FBXO28: variants seen among roughly 807,000 people sequenced by gnomAD.
FBXO28 encodes F-box protein 28, also known as F-box only protein 28.
Under a neutral mutation model 38.1 loss-of-function variants are expected in FBXO28, and 8 were observed. The ratio of observed to expected loss-of-function variants is 0.21; its 90% CI spans 0.12 to 0.38. FBXO28 has a LOEUF of 0.38. Among genes scored for constraint, FBXO28 ranks in the 10% least tolerant of loss-of-function variants. FBXO28 has a pLI of 1.00. For synonymous variants in FBXO28, 168 were observed against 173.8 expected (o/e 0.97, Z 0.26); for missense variants, 345 against 460.6 (o/e 0.75, Z 2.30).
rs1657894895 is a variant in FBXO28 at position 224,161,021 on chromosome 1, A to G, written c.*3275A>G. 6.6e-6 allele frequency: 1 copy of G among 152,200 alleles called. No individual in the cohort carries two copies. The highest frequency in any genetic ancestry group is 1.5e-5 in the Non-Finnish European group (1 of 68,034). The allele number at this position is 152,200 out of a possible 1,614,324, so 9.4% of individuals were successfully genotyped here. ...TATGCATTATTTTATATGCCATTTC[A>G]TAGCCTGCACTTTAATCTCCAAAGA... On this transcript the variant is annotated 3_prime_UTR_variant, in exon 5 of 5. Coordinates refer to ENST00000366862, the MANE Select transcript of FBXO28 (RefSeq NM_015176.4).
intron 3 of FBXO28, among the ~76,000 whole-genome samples, chr1:224,138,864 C>A (rs887568175): frequency 5.9e-5 from 9 of 151,764 alleles, no homozygotes; most frequent in African/African-American, 2.2e-4. Context: ...TTACTGCAAC[C>A]TCCGCCTCCT....
chr1:224,148,526 G>A (rs1383279668), intron 3 of FBXO28, among the ~76,000 whole-genome samples: 2 of 152,044 alleles, frequency 1.3e-5, no homozygotes, highest in Non-Finnish European at 2.9e-5. Context: ...GCCAGGTGTG[G>A]TGGCGGGTGC....
chr1:224,140,404 T>C (rs1200850155), intron 3 of FBXO28, among the ~76,000 whole-genome samples: 3 of 152,210 alleles, frequency 2.0e-5, no homozygotes, highest in African/African-American at 7.2e-5. Flanking sequence ...CCCTAGGCTC[T>C]CTTTGTGTCA....
intron 1 of FBXO28, among the ~76,000 whole-genome samples, chr1:224,115,537 T>TA (rs1296264873): frequency 6.6e-6 from 1 of 152,240 alleles, no homozygotes; most frequent in East Asian, 1.9e-4. Context: ...AACTTATAAA[T>TA]ATTAATTCAA....
At chr1:224,144,167 A>AG (rs1180604114) in intron 3 of FBXO28, among the ~76,000 whole-genome samples, 1 of 150,530 alleles carries the variant, frequency 6.6e-6, no homozygotes, top group East Asian at 1.9e-4. Flanking sequence ...AAAAAAAAAA[A>AG]GGAATGAATG....
At chr1:224,126,976 C>T (rs2102614254) in intron 1 of FBXO28, among the ~76,000 whole-genome samples, 1 of 152,034 alleles carries the variant, frequency 6.6e-6, no homozygotes, top group Admixed American at 6.6e-5. Context: ...AGAAGTTAGC[C>T]CTGTTGCCCT....
intron 3 of FBXO28, among the ~76,000 whole-genome samples, chr1:224,152,470 G>A (rs1420755538): frequency 6.6e-6 from 1 of 152,114 alleles, no homozygotes; most frequent in Non-Finnish European, 1.5e-5. Flanking sequence ...TAGTCCTCTA[G>A]TGTCTATAGC....
At chr1:224,117,445 A>ATT (rs1438315082) in intron 1 of FBXO28, among the ~76,000 whole-genome samples, 4 of 151,684 alleles carry the variant, frequency 2.6e-5, no homozygotes, top group African/African-American at 9.7e-5. Context: ...ATTTTATTTT[A>ATT]TTTTATTTTA....
intron 3 of FBXO28, among the ~76,000 whole-genome samples, chr1:224,138,840 G>T (rs1187319614): frequency 2.0e-5 from 3 of 151,678 alleles, no homozygotes; most frequent in African/African-American, 7.3e-5. Context: ...TCAGCCTCCA[G>T]CTGGAGTCTC....
chr1:224,147,494 A>G (rs572507628), intron 3 of FBXO28, among the ~76,000 whole-genome samples: 1 of 152,232 alleles, frequency 6.6e-6, no homozygotes, highest in African/African-American at 2.4e-5. Flanking sequence ...TTAAAATAGT[A>G]CAATGTAACT....
rs11309343 is a variant in FBXO28, at chr1:224,128,983, C to CAAA, written c.268-1471_268-1469dup. Among the ~76,000 whole-genome samples the CAAA allele has an allele frequency of 6.1e-4, 60 of 98,072 alleles. 1 individual carries two copies. Among genetic ancestry groups the CAAA allele is most frequent in the East Asian group, 3.0e-3 (9 of 3,000 alleles). The allele number at this position is 98,072 out of a possible 152,430, so 64.3% of individuals were successfully genotyped here. On this transcript the variant is annotated intron_variant, in intron 1 of 4. Coordinates refer to ENST00000366862, the MANE Select transcript of FBXO28 (RefSeq NM_015176.4). ...CCTAGACAACAGAGCAAGACCCTGT[C>CAAA]AAAAAAAAAAAAAAAAAAAACTATA...
chr1:224,152,945 AAAAAAAAAG>A (rs1203842114), intron 3 of FBXO28, among the ~76,000 whole-genome samples, 188 bp from the exon 4 acceptor site: 4 of 151,206 alleles, frequency 2.6e-5, no homozygotes, highest in South Asian at 2.1e-4. Flanking sequence ...AAAAAAAAAA[AAAAAAAAAG>A]TACTGTAACA....
At chr1:224,127,999 A>G (rs984344035) in intron 1 of FBXO28, among the ~76,000 whole-genome samples, 1 of 152,176 alleles carries the variant, frequency 6.6e-6, no homozygotes, top group Admixed American at 6.5e-5. Context: ...GTTTTCCTTA[A>G]TACCCTTTTA....
At chr1:224,128,251 T>TTTA (rs1656951861) in intron 1 of FBXO28, among the ~76,000 whole-genome samples, 1 of 151,250 alleles carries the variant, frequency 6.6e-6, no homozygotes, top group Non-Finnish European at 1.5e-5. Context: ...TATTATTTTT[T>TTTA]TTTATTTTAT....
intron 4 of FBXO28, among the ~76,000 whole-genome samples, chr1:224,156,939 T>A (rs1344428204): frequency 6.6e-6 from 1 of 150,896 alleles, no homozygotes; most frequent in Non-Finnish European, 1.5e-5. Context: ...GAGGCGGAGC[T>A]TGCAGTGAGC....
chr1:224,155,415 T>G lies in FBXO28; in HGVS notation c.713-1937T>G, dbSNP rs552531549. On this transcript the variant is annotated intron_variant, in intron 4 of 4. Coordinates refer to ENST00000366862, the MANE Select transcript of FBXO28 (RefSeq NM_015176.4). ...CTCCTGACCTCGTGATCCACCTGCC[T>G]CGGCCTCCCAAAGTGCTGGGATTAC... Among the ~76,000 whole-genome samples the G allele has an allele frequency of 4.6e-5, 7 of 152,284 alleles. No individual in the cohort carries two copies. In the East Asian group the frequency reaches 1.4e-3, roughly 29 times the overall value.
chr1:224,117,512 G>T (rs1056479888), intron 1 of FBXO28, among the ~76,000 whole-genome samples: 1 of 152,076 alleles, frequency 6.6e-6, no homozygotes, highest in Non-Finnish European at 1.5e-5. Context: ...TGGTTTCACA[G>T]AAATTACTCC....
chr1:224,161,014 C>G lies in FBXO28; in HGVS notation c.*3268C>G, dbSNP rs1332001900. 3 of 152,098 alleles carry G rather than the reference C, an allele frequency of 2.0e-5. No individual in the cohort carries two copies. The highest frequency in any genetic ancestry group is 6.6e-5 in the Admixed American group (1 of 15,260). The allele number at this position is 152,098 out of a possible 1,614,324, so 9.4% of individuals were successfully genotyped here. ...ACTATTTTATGCATTATTTTATATG[C>G]CATTTCATAGCCTGCACTTTAATCT... On this transcript the variant is annotated 3_prime_UTR_variant, in exon 5 of 5. Coordinates refer to ENST00000366862, the MANE Select transcript of FBXO28 (RefSeq NM_015176.4).
At chr1:224,117,195 C>G in intron 1 of FBXO28, among the ~76,000 whole-genome samples, 1 of 115,708 alleles carries the variant, frequency 8.6e-6, no homozygotes, top group Non-Finnish European at 1.6e-5. Context: ...GAGACGGAGT[C>G]TCGCTCTGTC....
Sources: allele counts gnomAD v4.1 joint callset (sites outside exome capture counted in the v4.1 genomes callset), GRCh38; gene constraint gnomAD v4.1.1; transcripts MANE v1.5; gene names NCBI Gene and HGNC (gene_info 2026-07-23, HGNC 2026-07-21).